Variants in ACOXL observed in about 807,000 individuals in gnomAD.
ACOXL encodes the protein acyl-CoA oxidase like.
In ACOXL, 70 loss-of-function variants were observed where a neutral mutation model predicts 71.9. The observed-to-expected ratio is 0.97, with a 90% CI of 0.80 to 1.19. The LOEUF is 1.19. ACOXL is among the 50% of genes most tolerant of loss of function. The pLI, the probability that ACOXL is intolerant of heterozygous loss-of-function variation, is 0.00. For synonymous variants in ACOXL, 253 were observed against 281.6 expected (o/e 0.90, Z 1.02); for missense variants, 703 against 736.3 (o/e 0.95, Z 0.52).
chr2:110,942,984 A>G, intron 12 of ACOXL, among the ~76,000 whole-genome samples: 1 of 135,014 alleles, frequency 7.4e-6, no homozygotes, highest in African/African-American at 2.7e-5. Context: ...GAAGAGTGGG[A>G]GGGAGGGAGG....
At chr2:110,838,571 T>C (rs1249892097) in intron 9 of ACOXL, among the ~76,000 whole-genome samples, 1 of 152,190 alleles carries the variant, frequency 6.6e-6, no homozygotes, top group Non-Finnish European at 1.5e-5. Flanking sequence ...GAGACTCTTC[T>C]ACCTCCCCTG....
At chr2:110,827,819 C>T (rs141837141) in intron 9 of ACOXL, among the ~76,000 whole-genome samples, 1 of 152,256 alleles carries the variant, frequency 6.6e-6, no homozygotes, top group East Asian at 1.9e-4. Flanking sequence ...GTGGCTATCA[C>T]CTCCCTGCAC....
At chr2:110,980,462 AAG>A (rs1469274235) in intron 12 of ACOXL, among the ~76,000 whole-genome samples, 1 of 152,168 alleles carries the variant, frequency 6.6e-6, no homozygotes, top group Non-Finnish European at 1.5e-5. Context: ...AGAAGGGAGA[AAG>A]GGACTGGAAG....
intron 17 of ACOXL, chr2:111,102,039 G>A: frequency 6.5e-6 from 1 of 152,794 alleles, no homozygotes; most frequent in Non-Finnish European, 1.5e-5. Context: ...GAATGTGGGT[G>A]TCTCCTGTTC....
At chr2:110,967,353 A>G (rs1210611292) in intron 12 of ACOXL, among the ~76,000 whole-genome samples, 2 of 152,220 alleles carry the variant, frequency 1.3e-5, no homozygotes, top group East Asian at 3.9e-4. Flanking sequence ...AACAACAGAG[A>G]AGACAAAAAT....
intron 16 of ACOXL, among the ~76,000 whole-genome samples, chr2:111,066,156 A>G (rs1191177310): frequency 6.6e-6 from 1 of 152,246 alleles, no homozygotes; most frequent in Non-Finnish European, 1.5e-5. Context: ...TAAATGATTA[A>G]GGAAACTGTG....
intron 12 of ACOXL, among the ~76,000 whole-genome samples, chr2:110,967,495 G>A (rs1362714614): frequency 1.3e-5 from 2 of 152,096 alleles, no homozygotes; most frequent in Non-Finnish European, 2.9e-5. Flanking sequence ...AAAGTGAGGA[G>A]GGCAAAGAGA....
intron 1 of ACOXL, among the ~76,000 whole-genome samples, chr2:110,744,879 A>G (rs1419828199): frequency 1.3e-5 from 2 of 152,124 alleles, no homozygotes; most frequent in Non-Finnish European, 2.9e-5. Flanking sequence ...CCATTTTGTC[A>G]TTTTGAGGGA....
chr2:110,770,396 T>G (rs1053666196), intron 2 of ACOXL, among the ~76,000 whole-genome samples: 4 of 152,156 alleles, frequency 2.6e-5, no homozygotes, highest in African/African-American at 9.7e-5. Context: ...TCCTGGAGTC[T>G]TCTCAGGAAG....
intron 16 of ACOXL, among the ~76,000 whole-genome samples, chr2:111,088,940 T>A (rs922408918): frequency 1.1e-4 from 16 of 152,318 alleles, no homozygotes; most frequent in African/African-American, 3.8e-4. Flanking sequence ...TAAGGATAAG[T>A]AAGGATTAAT....
intron 10 of ACOXL, among the ~76,000 whole-genome samples, chr2:110,907,668 C>CA (rs1184075794): frequency 6.6e-6 from 1 of 152,154 alleles, no homozygotes; most frequent in Non-Finnish European, 1.5e-5. Context: ...AGGCTGTACT[C>CA]ACGGTGCTTG....
chr2:110,882,046 A>G (rs1456290372), intron 10 of ACOXL, among the ~76,000 whole-genome samples: 1 of 152,216 alleles, frequency 6.6e-6, no homozygotes, highest in Non-Finnish European at 1.5e-5. Context: ...CTGAGAAACC[A>G]CAACAGTTTT....
At chr2:110,794,886 C>T (rs1372899084) in intron 5 of ACOXL, among the ~76,000 whole-genome samples, 1 of 151,988 alleles carries the variant, frequency 6.6e-6, no homozygotes, top group African/African-American at 2.4e-5. Context: ...CATAACATAC[C>T]CTCGGGACGC....
intron 15 of ACOXL, among the ~76,000 whole-genome samples, chr2:111,042,028 G>T (rs918844310): frequency 6.6e-6 from 1 of 152,166 alleles, no homozygotes; most frequent in Non-Finnish European, 1.5e-5. Context: ...GGCAGGTTGG[G>T]CTCCTTCAGG....
chr2:111,013,627 A>C (rs185948034), intron 14 of ACOXL, among the ~76,000 whole-genome samples: 22 of 150,038 alleles, frequency 1.5e-4, no homozygotes, highest in African/African-American at 5.1e-4. Context: ...TTTCTTTTCT[A>C]TTTTATTCCA....
At chr2:111,019,777 T>G (rs2064657083) in intron 14 of ACOXL, among the ~76,000 whole-genome samples, 1 of 152,222 alleles carries the variant, frequency 6.6e-6, no homozygotes, top group Non-Finnish European at 1.5e-5. Flanking sequence ...GCCCCGCAAC[T>G]GCCGTGCAGT....
At chr2:110,896,592 T>C (rs979747388) in intron 10 of ACOXL, among the ~76,000 whole-genome samples, 15 of 152,182 alleles carry the variant, frequency 9.9e-5, no homozygotes, top group African/African-American at 3.6e-4. Context: ...AAATTTCATA[T>C]AAAGTAGACT....
chr2:110,960,501 C>A (rs1031045998), intron 12 of ACOXL, among the ~76,000 whole-genome samples: 1 of 152,066 alleles, frequency 6.6e-6, no homozygotes, highest in Non-Finnish European at 1.5e-5. Context: ...AGATCAGCTC[C>A]GTTGTTGGCT....
At chr2:111,042,389 G>A (rs1460765300) in intron 15 of ACOXL, among the ~76,000 whole-genome samples, 3 of 152,252 alleles carry the variant, frequency 2.0e-5, no homozygotes, top group African/African-American at 7.2e-5. Context: ...GAGAGCCTGT[G>A]AGAGGTGCAG....
Sources: allele counts gnomAD v4.1 joint callset (sites outside exome capture counted in the v4.1 genomes callset), GRCh38; gene constraint gnomAD v4.1.1; transcripts MANE v1.5; gene names NCBI Gene and HGNC (gene_info 2026-07-23, HGNC 2026-07-21).